CTNNA2: variants seen among roughly 807,000 people sequenced by gnomAD.
The protein encoded by CTNNA2 is catenin alpha 2, also known as catenin alpha-2.
A neutral mutation model predicts 101.0 loss-of-function variants in CTNNA2; 42 were observed. The observed-to-expected ratio is 0.42, with a 90% confidence interval of 0.32 to 0.54. The LOEUF is 0.54. CTNNA2 is among the 20% of genes least tolerant of loss of function. The pLI is 0.14. For missense variants in CTNNA2, 871 were observed against 1,223.1 expected (o/e 0.71, Z 4.29); for synonymous variants, 450 against 456.4 (o/e 0.99, Z 0.18).
intron 3 of CTNNA2, among the ~76,000 whole-genome samples, chr2:79,816,402 A>C (rs1197041487): frequency 1.3e-5 from 2 of 152,044 alleles, no homozygotes; most frequent in Non-Finnish European, 2.9e-5. Flanking sequence ...TGTCATAGAA[A>C]ACCCATAACA....
chr2:79,510,297 A>C (rs577906675), upstream of CTNNA2, among the ~76,000 whole-genome samples: 1 of 152,308 alleles, frequency 6.6e-6, no homozygotes, highest in East Asian at 1.9e-4. Flanking sequence ...GACAACACTT[A>C]AATCAAGAAA....
At chr2:79,623,900 C>G (rs777792217) in intron 1 of CTNNA2, among the ~76,000 whole-genome samples, 8 of 152,172 alleles carry the variant, frequency 5.3e-5, no homozygotes, top group Admixed American at 3.9e-4. Context: ...CTGAACCAAT[C>G]TGTCTCAGAC....
intron 7 of CTNNA2, among the ~76,000 whole-genome samples, chr2:80,049,996 T>C (rs1378055679): frequency 6.6e-6 from 1 of 152,104 alleles, no homozygotes; most frequent in Non-Finnish European, 1.5e-5. Flanking sequence ...CCAGGAGCGA[T>C]GTCTCTCCTG....
chr2:80,162,381 A>G, intron 7 of CTNNA2: 1 of 1,402,324 alleles, frequency 7.1e-7, no homozygotes, highest in African/African-American at 1.4e-5. Context: ...TCAACAAAAT[A>G]TTTCCATATC....
intron 3 of CTNNA2, among the ~76,000 whole-genome samples, chr2:79,778,882 A>G (rs369161733): frequency 6.6e-6 from 1 of 152,328 alleles, no homozygotes; most frequent in East Asian, 1.9e-4. Context: ...TTTAAACCAC[A>G]ACCATTTAAA....
At position 80,303,550 on chromosome 2, in the gene CTNNA2, C is replaced by T. The variant is rs1412364273; in HGVS notation, c.1057-89661C>T. Reference sequence around the variant, plus strand: ...TGTGATCCAGATAGAGCCACGTGAGCTGCATTAACCCCGTGAACTGGCCGG... The same window carrying T: ...TGTGATCCAGATAGAGCCACGTGAGTTGCATTAACCCCGTGAACTGGCCGG... On this transcript the variant is annotated intron_variant, in intron 7 of 18. Transcript: ENST00000402739. This position sits in a 1 kb window ranked among gnomAD's most constrained non-coding sequence, Gnocchi z 7.7. 6.2e-7 allele frequency: 1 copy of T among 1,614,132 alleles called. No individual in the cohort carries two copies. The highest frequency in any genetic ancestry group is 1.7e-5 in the Admixed American group (1 of 60,012).
intron 4 of CTNNA2, among the ~76,000 whole-genome samples, chr2:79,424,404 T>C (rs1678571305): frequency 6.6e-6 from 1 of 152,150 alleles, no homozygotes; most frequent in Non-Finnish European, 1.5e-5. Flanking sequence ...AACAGACCAG[T>C]ACATAGCAGA....
chr2:80,083,388 G>A (rs1042304554), intron 7 of CTNNA2, among the ~76,000 whole-genome samples: 1 of 152,126 alleles, frequency 6.6e-6, no homozygotes, highest in African/African-American at 2.4e-5. Context: ...GGTTGCCACA[G>A]TAGCAAGCTG....
chr2:80,404,436 GA>G (rs2149384325), intron 8 of CTNNA2, among the ~76,000 whole-genome samples: 1 of 152,236 alleles, frequency 6.6e-6, no homozygotes, highest in South Asian at 2.1e-4. Flanking sequence ...AGTGAGGGGG[GA>G]AATATCACAT....
At chr2:79,617,452 C>T (rs918011085) in intron 1 of CTNNA2, among the ~76,000 whole-genome samples, 1 of 152,120 alleles carries the variant, frequency 6.6e-6, no homozygotes, top group Non-Finnish European at 1.5e-5. Context: ...AGATCAGTTT[C>T]ACCATATCTT....
At chr2:79,364,320 A>G (rs1172192150) in intron 3 of CTNNA2, among the ~76,000 whole-genome samples, 2 of 152,210 alleles carry the variant, frequency 1.3e-5, no homozygotes, top group African/African-American at 4.8e-5. Context: ...TCCCCAGTGT[A>G]TATTCAATGA....
intron 9 of CTNNA2, among the ~76,000 whole-genome samples, chr2:80,535,959 T>G (rs750218743): frequency 8.5e-5 from 13 of 152,330 alleles, no homozygotes; most frequent in African/African-American, 2.6e-4. Flanking sequence ...TGGTGGCCAT[T>G]TAGCCTATTC....
chr2:80,265,896 G>A (rs1672967916), intron 7 of CTNNA2, among the ~76,000 whole-genome samples: 1 of 152,200 alleles, frequency 6.6e-6, no homozygotes, highest in Admixed American at 6.5e-5. Context: ...ATCTGATTAA[G>A]TAGTTCTAGA....
intron 2 of CTNNA2, among the ~76,000 whole-genome samples, chr2:79,260,456 G>A (rs114289713): frequency 0.014 from 2,142 of 152,182 alleles, 24 homozygotes; most frequent in Admixed American, 0.021. Flanking sequence ...TCTACCTTAC[G>A]TTTTATTTTC....
chr2:80,211,983 T>G (rs1707923043), intron 7 of CTNNA2, among the ~76,000 whole-genome samples: 1 of 152,214 alleles, frequency 6.6e-6, no homozygotes, highest in Non-Finnish European at 1.5e-5. Context: ...GTAGCAATTA[T>G]GAATGGGAGT....
chr2:80,063,001 G>A (rs920006520), intron 7 of CTNNA2, among the ~76,000 whole-genome samples: 2 of 152,058 alleles, frequency 1.3e-5, no homozygotes, highest in East Asian at 1.9e-4. Flanking sequence ...CACCGCGCCC[G>A]GCCAAAGCAC....
chr2:79,920,039 A>G (rs993686257), intron 7 of CTNNA2, among the ~76,000 whole-genome samples: 1 of 146,618 alleles, frequency 6.8e-6, no homozygotes, highest in Non-Finnish European at 1.5e-5. Context: ...TAACATGGTG[A>G]AACCCCGTCT....
chr2:79,797,978 T>A (rs951914060), intron 3 of CTNNA2, among the ~76,000 whole-genome samples: 4 of 152,270 alleles, frequency 2.6e-5, no homozygotes, highest in Middle Eastern at 3.4e-3. Flanking sequence ...TGACACAAAT[T>A]TACCCTTTTT....
intron 7 of CTNNA2, among the ~76,000 whole-genome samples, chr2:80,029,104 T>C (rs1003984848): frequency 6.6e-6 from 1 of 152,214 alleles, no homozygotes; most frequent in African/African-American, 2.4e-5. Context: ...TATCTAGCCT[T>C]CCCAATTTAT....
Sources: allele counts gnomAD v4.1 joint callset (sites outside exome capture counted in the v4.1 genomes callset), GRCh38; gene constraint gnomAD v4.1.1; non-coding constraint Gnocchi (gnomAD v3.1); transcripts MANE v1.5; gene names NCBI Gene and HGNC (gene_info 2026-07-23, HGNC 2026-07-21).